The following ITGB1BP1 variants were observed in gnomAD, a reference collection of about 807,000 sequenced individuals.
ITGB1BP1 encodes integrin subunit beta 1 binding protein 1.
ITGB1BP1 carries 20 observed loss-of-function variants against 28.0 expected under a neutral mutation model. The ratio of observed to expected loss-of-function variants is 0.71; its 90% CI spans 0.50 to 1.04. ITGB1BP1 has a LOEUF of 1.04. Among genes scored for constraint, ITGB1BP1 ranks in the 50% least tolerant of loss-of-function variants. The probability of loss-of-function intolerance (pLI) is 0.00; values close to 1 mark genes in which losing one functional copy is unlikely to be tolerated. For missense variants in ITGB1BP1, 228 were observed against 242.5 expected (o/e 0.94, Z 0.40); for synonymous variants, 103 against 89.5 (o/e 1.15, Z -0.85).
At chr2:9,409,170 C>A (rs1247679801) in intron 4 of ITGB1BP1, among the ~76,000 whole-genome samples, 1 of 152,244 alleles carries the variant, frequency 6.6e-6, no homozygotes, top group Non-Finnish European at 1.5e-5. Flanking sequence ...GGCTCCCAGA[C>A]CGGAATACCA....
rs200349700 is a variant in ITGB1BP1, at chr2:9,407,548, G to C, written c.432C>G (p.Tyr144Ter). Residue 144 changes from tyrosine to a stop codon, truncating the protein, a stop_gained, in exon 6 of 7, where the codon TAC (tyrosine) becomes TAG (stop). Transcript: ENST00000355346. LOFTEE classifies it high-confidence loss of function. ...TTTTTCCCGCCCCCAGACCGTCATCGTAACACACCATCCGGATTATTAAGT... is the reference window on the plus strand; with the variant it reads ...TTTTTCCCGCCCCCAGACCGTCATCCTAACACACCATCCGGATTATTAAGT... Reference protein sequence around the residue: ...ALYLIIRMVCYDDGLGAGKSL... With the variant: ...ALYLIIRMVC 2.5e-6 allele frequency: 4 copies of C among 1,613,960 alleles called. No individual in the cohort carries two copies. The highest frequency in any genetic ancestry group is 1.3e-5 in the African/African-American group (1 of 74,866).
chr2:9,420,004 C>T (rs1198618882), intron 1 of ITGB1BP1: 1 of 946,706 alleles, frequency 1.1e-6, no homozygotes, highest in African/African-American at 1.8e-5. Context: ...GAATTGAACA[C>T]TATTTGACTG....
intron 1 of ITGB1BP1, 81 bp downstream of exon 1, chr2:9,423,292 C>G (rs1203835629): frequency 4.9e-6 from 6 of 1,219,944 alleles, no homozygotes; most frequent in African/African-American, 1.6e-5. Flanking sequence ...CCTTCCTGGC[C>G]GTCCGCGCCG....
Position 9,406,157 on chromosome 2 carries a change from A to G in ITGB1BP1, c.*677T>C, listed in dbSNP as rs1425436997. 10 of 3,466 alleles carry G rather than the reference A, an allele frequency of 2.9e-3. No homozygotes were observed. The highest frequency in any genetic ancestry group is 4.6e-3 in the Non-Finnish European group (8 of 1,748). The allele number at this position is 3,466 out of a possible 1,614,324, so 0.2% of individuals were successfully genotyped here. Reference sequence around the variant, plus strand: ...TCAGTGTGTGTTTGTCACTGAGTGGACCTCTGTGACATCTAGTCTTCCTCA... The same window carrying G: ...TCAGTGTGTGTTTGTCACTGAGTGGGCCTCTGTGACATCTAGTCTTCCTCA... On this transcript the variant is annotated 3_prime_UTR_variant, in exon 7 of 7. Coordinates refer to ENST00000355346, the MANE Select transcript of ITGB1BP1 (RefSeq NM_004763.5).
chr2:9,422,811 T>C, intron 1 of ITGB1BP1: 1 of 986,218 alleles, frequency 1.0e-6, no homozygotes. Flanking sequence ...CCAGCAAGGC[T>C]GCAGGATAAC....
At chr2:9,419,531 C>A (rs1386774996) in intron 1 of ITGB1BP1, among the ~76,000 whole-genome samples, 1 of 152,182 alleles carries the variant, frequency 6.6e-6, no homozygotes, top group Non-Finnish European at 1.5e-5. Flanking sequence ...CCTCACCTCC[C>A]CTCTCTATTA....
intron 4 of ITGB1BP1, 61 bp from the exon 5 acceptor site, chr2:9,408,266 A>T: frequency 9.5e-7 from 1 of 1,047,308 alleles, no homozygotes; most frequent in Non-Finnish European, 1.5e-6. Context: ...CTTAAGTCTG[A>T]CTAGTCACTT....
chr2:9,414,463 C>T (rs1198517283), intron 2 of ITGB1BP1, among the ~76,000 whole-genome samples: 7 of 152,200 alleles, frequency 4.6e-5, no homozygotes, highest in African/African-American at 7.2e-5. Context: ...CCCAACTGTT[C>T]GTTCGTCCCA....
intron 1 of ITGB1BP1, 149 bp from the exon 2 acceptor site, chr2:9,418,881 C>T (rs1477204590): frequency 1.6e-6 from 1 of 622,898 alleles, no homozygotes; most frequent in East Asian, 2.7e-5. Flanking sequence ...TCAGCCTCCC[C>T]GAGTAGCTGG....
intron 3 of ITGB1BP1, 116 bp downstream of exon 3, chr2:9,414,062 G>A: frequency 1.2e-6 from 1 of 849,378 alleles, no homozygotes; most frequent in Non-Finnish European, 1.9e-6. Context: ...TGTCAAAAGT[G>A]GCAAAGGAGA....
rs555024087 is a variant in ITGB1BP1, at chr2:9,409,969, C to T, written c.289-1764G>A. The stretch of plus-strand genomic sequence containing the variant: ...AAGCGATTCTCCTGCCTCAGTCTCC[C>T]GAGTAGCTGGGATTACAGGCATGCG... On this transcript the variant is annotated intron_variant, in intron 4 of 6. Transcript: ENST00000355346. Among the ~76,000 whole-genome samples the T allele has an allele frequency of 4.6e-5, 7 of 151,540 alleles. No homozygotes were observed. The East Asian group carries it at 1.2e-3, about 25-fold the overall frequency.
rs185765616 is a variant in ITGB1BP1, at chr2:9,404,330, C to T, written c.*2504G>A. On this transcript the variant is annotated 3_prime_UTR_variant, in exon 7 of 7. Coordinates refer to ENST00000355346, the MANE Select transcript of ITGB1BP1 (RefSeq NM_004763.5). ...CACACTGTCTTGAAATTGAATCTGTCCATCTGTTTATAATCAAGAACATAT... is the reference window on the plus strand; with the variant it reads ...CACACTGTCTTGAAATTGAATCTGTTCATCTGTTTATAATCAAGAACATAT... 4.3e-4 allele frequency: 66 copies of T among 152,318 alleles called. No homozygotes were observed. The highest frequency in any genetic ancestry group is 1.3e-4 in the Non-Finnish European group (9 of 68,026). The allele number at this position is 152,318 out of a possible 1,614,324, so 9.4% of individuals were successfully genotyped here.
At chr2:9,417,378 C>T (rs1679274636) in intron 2 of ITGB1BP1, among the ~76,000 whole-genome samples, 1 of 151,884 alleles carries the variant, frequency 6.6e-6, no homozygotes, top group Non-Finnish European at 1.5e-5. Flanking sequence ...AAAACAAGGC[C>T]TTTTCTCGGG....
chr2:9,407,644 T>G, intron 5 of ITGB1BP1, 46 bp from the exon 6 acceptor site: 1 of 1,608,392 alleles, frequency 6.2e-7, no homozygotes, highest in Non-Finnish European at 8.5e-7. Flanking sequence ...CTCTCAAATG[T>G]TTGTCAGTCC....
intron 3 of ITGB1BP1, among the ~76,000 whole-genome samples, chr2:9,413,300 G>A (rs1011744486): frequency 3.3e-5 from 5 of 152,124 alleles, no homozygotes; most frequent in Admixed American, 3.3e-4. Context: ...TACTTAGGGA[G>A]CTAAGGTTAG....
intron 1 of ITGB1BP1, 121 bp downstream of exon 1, chr2:9,423,252 C>A: frequency 8.6e-7 from 1 of 1,159,576 alleles, no homozygotes; most frequent in Admixed American, 4.1e-5. Context: ...CCAGGCATCC[C>A]TCCTCCGCCC....
intron 1 of ITGB1BP1, chr2:9,422,523 G>A: frequency 2.0e-6 from 2 of 985,498 alleles, no homozygotes; most frequent in Non-Finnish European, 2.4e-6. Context: ...GGGATCTCAA[G>A]GCTGGGGTAA....
At chr2:9,410,240 G>GT (rs1419361641) in intron 4 of ITGB1BP1, among the ~76,000 whole-genome samples, 3 of 151,220 alleles carry the variant, frequency 2.0e-5, no homozygotes, top group Admixed American at 6.6e-5. Context: ...TTCATTTCAG[G>GT]TTTTTTTTGA....
chr2:9,417,934 T>C (rs1679353046), intron 2 of ITGB1BP1, among the ~76,000 whole-genome samples: 1 of 152,202 alleles, frequency 6.6e-6, no homozygotes, highest in African/African-American at 2.4e-5. Context: ...TTATGCCCCT[T>C]AAACAGAGTT....
Sources: allele counts gnomAD v4.1 joint callset (sites outside exome capture counted in the v4.1 genomes callset), GRCh38; gene constraint gnomAD v4.1.1; transcripts MANE v1.5; gene names NCBI Gene and HGNC (gene_info 2026-07-23, HGNC 2026-07-21).